The following MCPH1 variants were observed in gnomAD, a reference collection of about 807,000 sequenced individuals.
MCPH1 encodes microcephalin.
MCPH1 carries 104 observed loss-of-function variants against 84.5 expected under a neutral mutation model. That is an observed-to-expected ratio of 1.23 (90% CI 1.05 to 1.45). The LOEUF is 1.45. MCPH1 is among the 40% of genes most tolerant of loss of function. The pLI is 0.00. For missense variants in MCPH1, 1,498 were observed against 1,005.7 expected (o/e 1.49, Z -6.62); for synonymous variants, 514 against 366.8 (o/e 1.40, Z -4.58).
At chr8:6,557,332 C>T (rs1824790866) in intron 12 of MCPH1, among the ~76,000 whole-genome samples, 1 of 152,100 alleles carries the variant, frequency 6.6e-6, no homozygotes, top group Non-Finnish European at 1.5e-5. Context: ...ACCTACCATA[C>T]TTGTGTACTA....
At position 6,645,855 on chromosome 8, in the gene MCPH1, T is replaced by A. The variant is rs777525248; in HGVS notation, c.*2806T>A. 1 of 152,248 alleles carries A rather than the reference T, an allele frequency of 6.6e-6. No individual in the cohort carries two copies. Among genetic ancestry groups the A allele is most frequent in the East Asian group, 1.9e-4 (1 of 5,184 alleles). The allele number at this position is 152,248 out of a possible 1,614,324, so 9.4% of individuals were successfully genotyped here. On this transcript the variant is annotated 3_prime_UTR_variant, in exon 14 of 14. Transcript: ENST00000344683. ...TCTGTATACTGAAACCTGTAAAACATTGCTGAAAGAAGTTAAAGACTTCTT... is the reference window on the plus strand; with the variant it reads ...TCTGTATACTGAAACCTGTAAAACAATGCTGAAAGAAGTTAAAGACTTCTT...
rs145962814 is a variant in MCPH1, at chr8:6,449,085, T to G, written c.1825+3538T>G. 3.1e-3 allele frequency among the ~76,000 whole-genome samples: 475 copies of G among 152,352 alleles called. 3 individuals carry two copies. The highest frequency in any genetic ancestry group is 0.011 in the African/African-American group (453 of 41,580). On this transcript the variant is annotated intron_variant, in intron 8 of 13. Coordinates refer to ENST00000344683, the MANE Select transcript of MCPH1 (RefSeq NM_024596.5). ...ATTGCAAATGTTTATTAAGGCTGAT[T>G]TGTAATAAGATAGATTTTACGTATT...
chr8:6,576,664 C>CTCT (rs201056006), intron 12 of MCPH1, among the ~76,000 whole-genome samples: 9 of 143,944 alleles, frequency 6.3e-5, no homozygotes, highest in Non-Finnish European at 1.0e-4. Flanking sequence ...CCCGCCACCA[C>CTCT]GCTCTGCTAA....
chr8:6,640,524 A>C (rs551316611), intron 13 of MCPH1, among the ~76,000 whole-genome samples: 101 of 152,236 alleles, frequency 6.6e-4, no homozygotes, highest in African/African-American at 2.4e-3. Flanking sequence ...TGATCCCTTA[A>C]CTGTTTTGAA....
At chr8:6,447,372 C>G in intron 8 of MCPH1, 1 of 985,366 alleles carries the variant, frequency 1.0e-6, no homozygotes, top group Non-Finnish European at 1.2e-6. Flanking sequence ...ACCTCCAAAT[C>G]TTTAATGTCG....
At chr8:6,592,623 G>GTTTTTTTTTTTTTTTTTTTTTTTT (rs573651366) in intron 12 of MCPH1, among the ~76,000 whole-genome samples, 2 of 77,556 alleles carry the variant, frequency 2.6e-5, no homozygotes, top group Non-Finnish European at 4.6e-5. Context: ...TCTTTTTTTT[G>GTTTTTTTTTTTTTTTTTTTTTTTT]TTTTTTTTTT....
At chr8:6,567,375 C>T (rs999341322) in intron 12 of MCPH1, among the ~76,000 whole-genome samples, 10 of 152,088 alleles carry the variant, frequency 6.6e-5, no homozygotes, top group Admixed American at 1.3e-4. Flanking sequence ...TCGGCAAGGC[C>T]ATGGATAGTG....
At chr8:6,563,802 G>T (rs182043585) in intron 12 of MCPH1, among the ~76,000 whole-genome samples, 1 of 152,230 alleles carries the variant, frequency 6.6e-6, no homozygotes, top group Non-Finnish European at 1.5e-5. Flanking sequence ...CAGTTGGATA[G>T]AAAGATCTGT....
At chr8:6,554,735 C>A (rs1824287492) in intron 12 of MCPH1, among the ~76,000 whole-genome samples, 1 of 152,056 alleles carries the variant, frequency 6.6e-6, no homozygotes, top group Non-Finnish European at 1.5e-5. Context: ...AAAGTAATTA[C>A]CATCAGAGGA....
At chr8:6,480,414 C>G (rs1251746937) in intron 10 of MCPH1, among the ~76,000 whole-genome samples, 1 of 151,894 alleles carries the variant, frequency 6.6e-6, no homozygotes, top group Admixed American at 6.6e-5. Flanking sequence ...CCACCGCGCC[C>G]AGCCAGGGGC....
rs1798271632 is a variant in MCPH1, at chr8:6,647,604, A to C, written c.*4555A>C. 6.6e-6 allele frequency: 1 copy of C among 152,174 alleles called. No homozygotes were observed. Among genetic ancestry groups the C allele is most frequent in the African/African-American group, 2.4e-5 (1 of 41,422 alleles). 9.4% of individuals were successfully genotyped at this position (152,174 alleles called of 1,614,324 possible). On this transcript the variant is annotated 3_prime_UTR_variant, in exon 14 of 14. Coordinates refer to ENST00000344683, the MANE Select transcript of MCPH1 (RefSeq NM_024596.5). ...CTTCTAAAAAGCAACAAACTACTAA[A>C]CACGTGCAACAACATGAATGAGCCT...
At chr8:6,429,024 C>T (rs1296561387) in intron 3 of MCPH1, among the ~76,000 whole-genome samples, 1 of 152,204 alleles carries the variant, frequency 6.6e-6, no homozygotes, top group African/African-American at 2.4e-5. Context: ...CCTCTGAGTG[C>T]ACCTCACTCC....
chr8:6,597,836 A>C (rs1829045468), intron 12 of MCPH1, among the ~76,000 whole-genome samples: 1 of 152,086 alleles, frequency 6.6e-6, no homozygotes, highest in Non-Finnish European at 1.5e-5. Flanking sequence ...CCTCTCCCTC[A>C]TAAGCACATC....
At chr8:6,536,720 C>G (rs1820570049) in intron 12 of MCPH1, among the ~76,000 whole-genome samples, 1 of 152,154 alleles carries the variant, frequency 6.6e-6, no homozygotes, top group African/African-American at 2.4e-5. Flanking sequence ...TTCCATAAAT[C>G]ACCACGTATC....
chr8:6,495,105 C>G (rs1055054292), intron 11 of MCPH1, among the ~76,000 whole-genome samples: 1 of 151,964 alleles, frequency 6.6e-6, no homozygotes, highest in Non-Finnish European at 1.5e-5. Flanking sequence ...TCAAGCTGGT[C>G]TCTTTGGAAG....
intron 13 of MCPH1, among the ~76,000 whole-genome samples, chr8:6,624,379 C>A (rs1395637975): frequency 1.3e-5 from 2 of 152,220 alleles, no homozygotes; most frequent in African/African-American, 4.8e-5. Context: ...CCCTCACTCG[C>A]CGGCCACCAG....
intron 13 of MCPH1, among the ~76,000 whole-genome samples, chr8:6,630,284 G>A (rs1797059957): frequency 6.6e-6 from 1 of 152,166 alleles, no homozygotes; most frequent in Non-Finnish European, 1.5e-5. Context: ...AGGGTTCCAG[G>A]AGAAATACTA....
At chr8:6,479,659 G>A (rs1004673912) in intron 10 of MCPH1, among the ~76,000 whole-genome samples, 1 of 151,992 alleles carries the variant, frequency 6.6e-6, no homozygotes, top group Non-Finnish European at 1.5e-5. Flanking sequence ...ATATCACAGT[G>A]TGGCTTAGAA....
intron 11 of MCPH1, among the ~76,000 whole-genome samples, chr8:6,489,460 A>G (rs1008338818): frequency 5.3e-5 from 8 of 152,062 alleles, no homozygotes; most frequent in Non-Finnish European, 8.8e-5. Context: ...ATAAGAGGAG[A>G]CAGAAGCCAC....
Sources: allele counts gnomAD v4.1 joint callset (sites outside exome capture counted in the v4.1 genomes callset), GRCh38; gene constraint gnomAD v4.1.1; transcripts MANE v1.5; gene names NCBI Gene and HGNC (gene_info 2026-07-23, HGNC 2026-07-21).